Variants in LYRM7 observed in about 807,000 individuals in gnomAD.
The protein encoded by LYRM7 is complex III assembly factor LYRM7.
LYRM7 carries 9 observed loss-of-function variants against 15.8 expected under a neutral mutation model. The ratio of observed to expected loss-of-function variants is 0.57; its 90% CI spans 0.34 to 0.99. LYRM7 has a LOEUF of 0.99. Ranked by LOEUF, LYRM7 falls within the 50% of genes least tolerant of loss-of-function variation. LYRM7 has a pLI of 0.02. For missense variants in LYRM7, 115 were observed against 119.1 expected (o/e 0.97, Z 0.16); for synonymous variants, 39 against 39.4 (o/e 0.99, Z 0.04).
intron 1 of LYRM7, among the ~76,000 whole-genome samples, chr5:131,175,746 G>A (rs559043111): frequency 7.4e-6 from 1 of 134,412 alleles, no homozygotes; most frequent in East Asian, 1.9e-4. Flanking sequence ...TGTTGCCCAG[G>A]CTGGTTTTGT....
intron 1 of LYRM7, among the ~76,000 whole-genome samples, chr5:131,171,246 G>A (rs1341638102): frequency 6.6e-6 from 1 of 152,064 alleles, no homozygotes; most frequent in East Asian, 1.9e-4. Flanking sequence ...CACCAGTGTG[G>A]TTCCTACTTC....
rs1756027257 is a variant in LYRM7, at chr5:131,199,680, C to CTTTTTAA, written c.*79_*80insTTTTTAA. 1.0e-6 allele frequency: 1 copy of CTTTTTAA among 953,450 alleles called. No homozygotes were observed. The highest frequency in any genetic ancestry group is 1.6e-6 in the Non-Finnish European group (1 of 634,746). The allele number at this position is 953,450 out of a possible 1,614,324, so 59.1% of individuals were successfully genotyped here. ...CTGGCAAAAGTCCTGGAAATGCAGA[C>CTTTTTAA]ATTTTCCCTGAACTGGCATATTGAA... On this transcript the variant is annotated 3_prime_UTR_variant, in exon 5 of 5. Coordinates refer to ENST00000379380, the MANE Select transcript of LYRM7 (RefSeq NM_181705.4).
rs569965431 is a variant in LYRM7 at position 131,180,566 on chromosome 5, T to C, written c.91+399T>C. On this transcript the variant is annotated intron_variant, in intron 2 of 4. Transcript: ENST00000379380. ...AAAGAGAATCCATCCCAAATGATTC[T>C]AAATTCAGTATCTCCCTGTTTTAAG... Among the ~76,000 whole-genome samples, 93 of 152,310 alleles carry C rather than the reference T, an allele frequency of 6.1e-4. 1 individual carries two copies. Among genetic ancestry groups the C allele is most frequent in the African/African-American group, 1.8e-3 (76 of 41,574 alleles).
intron 2 of LYRM7, among the ~76,000 whole-genome samples, chr5:131,181,315 A>ATATATATT (rs1755692326): frequency 1.7e-5 from 1 of 58,888 alleles, no homozygotes; most frequent in African/African-American, 7.0e-5. Flanking sequence ...ATATATATAT[A>ATATATATT]TACACACACA....
chr5:131,199,770 A>G lies in LYRM7; in HGVS notation c.*169A>G, dbSNP rs1355273539. The G allele has an allele frequency of 7.0e-6, 3 of 430,416 alleles. No homozygotes were observed. Among genetic ancestry groups the G allele is most frequent in the Non-Finnish European group, 1.3e-5 (3 of 237,816 alleles). 26.7% of individuals were successfully genotyped at this position (430,416 alleles called of 1,614,324 possible). ...TGTTAAAAGGTCATTACTGAGAACT[A>G]AAGAACATAATTAAGTATTTCTAAA... On this transcript the variant is annotated 3_prime_UTR_variant, in exon 5 of 5. Transcript: ENST00000379380.
rs908716564 is a variant in LYRM7, at chr5:131,203,021, A to G, written c.*3420A>G. The G allele has an allele frequency of 1.3e-5, 2 of 152,384 alleles. No individual in the cohort carries two copies. Among genetic ancestry groups the G allele is most frequent in the African/African-American group, 4.8e-5 (2 of 41,466 alleles). The allele number at this position is 152,384 out of a possible 1,614,324, so 9.4% of individuals were successfully genotyped here. A position where few individuals can be genotyped will look rare whatever the true frequency, so the allele number is the denominator to read the frequency against. ...TTAGTTCTTATTTTCCTGTAGATGC[A>G]TCTCACAGCATCAGTACAATACCAA... On this transcript the variant is annotated 3_prime_UTR_variant, in exon 5 of 5. Transcript: ENST00000379380.
At chr5:131,172,146 G>A (rs1296680156) in intron 1 of LYRM7, among the ~76,000 whole-genome samples, 1 of 152,346 alleles carries the variant, frequency 6.6e-6, no homozygotes, top group Middle Eastern at 3.4e-3. Context: ...GGGTGCAGAG[G>A]CTCACACCTG....
chr5:131,193,360 T>C (rs1000151215), intron 4 of LYRM7, among the ~76,000 whole-genome samples: 1 of 152,196 alleles, frequency 6.6e-6, no homozygotes, highest in African/African-American at 2.4e-5. Context: ...AATGTACAGC[T>C]ACAGTTCTTG....
chr5:131,176,246 T>C (rs1297339883), intron 1 of LYRM7, among the ~76,000 whole-genome samples: 1 of 152,246 alleles, frequency 6.6e-6, no homozygotes, highest in African/African-American at 2.4e-5. Flanking sequence ...AGTATATACC[T>C]AGTAGTAGAA....
chr5:131,199,576 G>T lies in LYRM7; in HGVS notation c.290G>T (p.Cys97Phe). Reference sequence around the variant, plus strand: ...CTTCTTGTAGAAAATGTGCCATATTGTGATGCACCAACTCAGAAGCAATGA... The same window carrying T: ...CTTCTTGTAGAAAATGTGCCATATTTTGATGCACCAACTCAGAAGCAATGA... Reference protein sequence around the residue: ...KDLLVENVPYCDAPTQKQ With the variant: ...KDLLVENVPYFDAPTQKQ The change falls in exon 5 of 5, where the codon TGT (cysteine) becomes TTT (phenylalanine). Residue 97 changes from cysteine to phenylalanine, a missense_variant. Cys to Phe is a radical substitution (Grantham distance 205, BLOSUM62 -2). Coordinates refer to ENST00000379380, the MANE Select transcript of LYRM7 (RefSeq NM_181705.4). The T allele has an allele frequency of 6.2e-7, 1 of 1,600,812 alleles. No homozygotes were observed. The highest frequency in any genetic ancestry group is 2.3e-5 in the East Asian group (1 of 44,224).
At chr5:131,184,515 A>G (rs1755762269) in intron 3 of LYRM7, among the ~76,000 whole-genome samples, 1 of 152,038 alleles carries the variant, frequency 6.6e-6, no homozygotes, top group Non-Finnish European at 1.5e-5. Flanking sequence ...AATATTTTTT[A>G]ATACTACGCC....
intron 1 of LYRM7, among the ~76,000 whole-genome samples, chr5:131,177,831 C>T (rs1385467772): frequency 1.3e-5 from 2 of 152,090 alleles, no homozygotes; most frequent in Non-Finnish European, 2.9e-5. Flanking sequence ...TCTTTTCTCT[C>T]TTGTTGGCCC....
chr5:131,179,860 C>G (rs749461272), intron 1 of LYRM7, among the ~76,000 whole-genome samples: 1 of 152,074 alleles, frequency 6.6e-6, no homozygotes, highest in Non-Finnish European at 1.5e-5. Context: ...TGCTTGAACC[C>G]AGGAGGCGGA....
At chr5:131,180,074 G>C in intron 1 of LYRM7, 21 bp from the exon 2 acceptor site, 1 of 1,582,052 alleles carries the variant, frequency 6.3e-7, no homozygotes, top group Non-Finnish European at 8.7e-7. Context: ...GCCCAACCTT[G>C]AATTCTGATT....
At chr5:131,184,631 T>A (rs1020209253) in intron 3 of LYRM7, among the ~76,000 whole-genome samples, 2 of 130,154 alleles carry the variant, frequency 1.5e-5, no homozygotes, top group Non-Finnish European at 3.0e-5. Context: ...CAAATGGAAT[T>A]TTTTTTGGCG....
intron 2 of LYRM7, among the ~76,000 whole-genome samples, chr5:131,181,302 A>AAATATATATATATATATATATATAT (rs1554089865): frequency 1.1e-4 from 1 of 8,768 alleles, no homozygotes; most frequent in Non-Finnish European, 3.3e-4. Context: ...AAAAAAAAAA[A>AAATATATATATATATATATATATAT]ATATATATAT....
At chr5:131,181,428 TAACATATATATGTATATATATATAA>T (rs1554089952) in intron 2 of LYRM7, among the ~76,000 whole-genome samples, 2 of 111,428 alleles carry the variant, frequency 1.8e-5, no homozygotes, top group Non-Finnish European at 3.2e-5. Flanking sequence ...TATATATATA[TAACATATATATGTATATATATATAA>T]AACATATATA....
rs1373614686 is a variant in LYRM7, at chr5:131,182,323, G to A, written c.162+24G>A. ...AGGTACAGTAATTTTTTCAATTATA[G>A]TAAAACTTATACAATTATCTTGTCA... On this transcript the variant is annotated intron_variant, in intron 3 of 4. Transcript: ENST00000379380. 2.2e-6 allele frequency: 3 copies of A among 1,354,044 alleles called. No individual in the cohort carries two copies. The Admixed American group carries it at 8.6e-5, about 39-fold the overall frequency. The allele number at this position is 1,354,044 out of a possible 1,614,324, so 83.9% of individuals were successfully genotyped here.
chr5:131,180,909 A>G (rs1299324574), intron 2 of LYRM7, among the ~76,000 whole-genome samples: 1 of 152,150 alleles, frequency 6.6e-6, no homozygotes, highest in African/African-American at 2.4e-5. Context: ...TCTGTCCCAC[A>G]TCATACTGAG....
Sources: gnomAD v4.1 joint callset for allele counts (sites outside exome capture counted in the v4.1 genomes callset) on GRCh38, gnomAD v4.1.1 for gene constraint, MANE v1.5 for transcripts, NCBI Gene and HGNC (gene_info 2026-07-23, HGNC 2026-07-21) for gene names.